The following TYR variants were observed in gnomAD, a reference collection of about 807,000 sequenced individuals.
The protein encoded by TYR is tyrosinase.
In TYR, 58 loss-of-function variants were observed where a neutral mutation model predicts 51.5. The ratio of observed to expected loss-of-function variants is 1.13; its 90% CI spans 0.91 to 1.40. The LOEUF (loss-of-function observed/expected upper bound fraction) is 1.40, where lower values mean the gene tolerates loss of function less well. Ranked by LOEUF, TYR falls within the 40% of genes most tolerant of loss-of-function variation. The pLI, the probability that TYR is intolerant of heterozygous loss-of-function variation, is 0.00. For synonymous variants in TYR, 263 were observed against 235.2 expected (o/e 1.12, Z -1.08); for missense variants, 732 against 647.4 (o/e 1.13, Z -1.42).
At chr11:89,192,958 A>G (rs886327016) in intron 2 of TYR, among the ~76,000 whole-genome samples, 3 of 152,120 alleles carry the variant, frequency 2.0e-5, no homozygotes, top group African/African-American at 7.2e-5. Flanking sequence ...AGTTCTTTCC[A>G]TTGCACTCTG....
intron 3 of TYR, among the ~76,000 whole-genome samples, chr11:89,239,422 C>T (rs931562351): frequency 6.6e-6 from 1 of 151,942 alleles, no homozygotes; most frequent in Non-Finnish European, 1.5e-5. Context: ...TCTCCTCTTT[C>T]ATTTCTAATT....
At chr11:89,223,868 C>T (rs1184864531) in intron 2 of TYR, among the ~76,000 whole-genome samples, 1 of 150,896 alleles carries the variant, frequency 6.6e-6, no homozygotes, top group Admixed American at 6.6e-5. Flanking sequence ...GCACATATCA[C>T]AATGTATTCC....
chr11:89,264,740 A>AC (rs898699173), intron 3 of TYR, among the ~76,000 whole-genome samples: 6 of 151,584 alleles, frequency 4.0e-5, no homozygotes, highest in Admixed American at 2.0e-4. Flanking sequence ...GCAGCCAAAA[A>AC]AAAAAAACAA....
intron 2 of TYR, among the ~76,000 whole-genome samples, chr11:89,192,240 A>T (rs1357188640): frequency 6.6e-6 from 1 of 152,194 alleles, no homozygotes; most frequent in African/African-American, 2.4e-5. Context: ...TGACTCAGTC[A>T]TGAAACCCAT....
Position 89,191,259 on chromosome 11 carries a change from C to T in TYR, c.877C>T (p.Pro293Ser), listed in dbSNP as rs1218953194. Residue 293 changes from proline (P) to serine (S), a missense_variant, in exon 2 of 5, where the codon CCC becomes TCC. Coordinates refer to ENST00000263321, the MANE Select transcript of TYR (RefSeq NM_000372.5). ...NSHQSLCNGT[P>S]EGPLRRNPGN... ...CCATCAGTCTTTATGCAATGGAACGCCCGAGGGACCTTTACGGCGTAATCC... is the reference window on the plus strand; with the variant it reads ...CCATCAGTCTTTATGCAATGGAACGTCCGAGGGACCTTTACGGCGTAATCC... 1 of 1,613,500 alleles carries T rather than the reference C, an allele frequency of 6.2e-7. No homozygotes were observed. Among genetic ancestry groups the T allele is most frequent in the Admixed American group, 1.7e-5 (1 of 59,908 alleles).
chr11:89,270,158 T>A (rs1202922602), intron 3 of TYR, among the ~76,000 whole-genome samples: 1 of 151,886 alleles, frequency 6.6e-6, no homozygotes, highest in Non-Finnish European at 1.5e-5. Flanking sequence ...CCACATAATA[T>A]CCTTCCTTTC....
chr11:89,244,144 A>T lies in TYR; in HGVS notation c.1184+16174A>T, dbSNP rs951837596. Among the ~76,000 whole-genome samples the T allele has an allele frequency of 4.6e-4, 70 of 152,312 alleles. 2 individuals carry two copies. Among genetic ancestry groups the T allele is most frequent in the African/African-American group, 1.7e-3 (69 of 41,576 alleles). ...AACTGCACAGATAAATAAGCAAACA[A>T]ACATACAAAAGGGTAGAGAGGGATA... On this transcript the variant is annotated intron_variant, in intron 3 of 4. Coordinates refer to ENST00000263321, the MANE Select transcript of TYR (RefSeq NM_000372.5).
At chr11:89,252,381 A>C (rs934187278) in intron 3 of TYR, among the ~76,000 whole-genome samples, 21 of 151,756 alleles carry the variant, frequency 1.4e-4, no homozygotes, top group Non-Finnish European at 1.5e-5. Flanking sequence ...TGGTCTCAAT[A>C]ACCTAGGGCA....
chr11:89,203,772 A>G (rs1278785357), intron 2 of TYR, among the ~76,000 whole-genome samples: 6 of 152,198 alleles, frequency 3.9e-5, no homozygotes, highest in Non-Finnish European at 7.3e-5. Flanking sequence ...AAAACAAAAC[A>G]GAAAGAAAAA....
At chr11:89,195,034 A>G (rs2135256275) in intron 2 of TYR, among the ~76,000 whole-genome samples, 1 of 152,274 alleles carries the variant, frequency 6.6e-6, no homozygotes, top group Non-Finnish European at 1.5e-5. Flanking sequence ...CATGAATAGG[A>G]CAGGGATGTG....
At chr11:89,242,499 T>A (rs7934212) in intron 3 of TYR, among the ~76,000 whole-genome samples, 2 of 151,982 alleles carry the variant, frequency 1.3e-5, no homozygotes, top group African/African-American at 4.8e-5. Context: ...CATGAGCCAC[T>A]GTGCCCGGCC....
At chr11:89,254,494 T>A (rs1165260895) in intron 3 of TYR, among the ~76,000 whole-genome samples, 2 of 151,880 alleles carry the variant, frequency 1.3e-5, no homozygotes, top group South Asian at 2.1e-4. Flanking sequence ...ACCATTTCAA[T>A]GTCGCTGCTT....
intron 2 of TYR, among the ~76,000 whole-genome samples, chr11:89,219,757 T>C (rs949092615): frequency 6.6e-6 from 1 of 152,166 alleles, no homozygotes; most frequent in Admixed American, 6.6e-5. Flanking sequence ...TCTTGCCTTC[T>C]CTGATCCAGT....
At chr11:89,218,519 A>AT in intron 2 of TYR, among the ~76,000 whole-genome samples, 1 of 152,172 alleles carries the variant, frequency 6.6e-6, no homozygotes, top group East Asian at 1.9e-4. Context: ...ATCTGATATC[A>AT]CCAAGAATGA....
chr11:89,211,857 T>C (rs1477663937), intron 2 of TYR, among the ~76,000 whole-genome samples: 1 of 152,028 alleles, frequency 6.6e-6, no homozygotes. Context: ...GCTGGGTAAA[T>C]AACAAAATGA....
At chr11:89,186,154 A>T (rs1349021094) in intron 1 of TYR, among the ~76,000 whole-genome samples, 1 of 152,190 alleles carries the variant, frequency 6.6e-6, no homozygotes, top group African/African-American at 2.4e-5. Context: ...ATCTGACTTT[A>T]GCAGCAGGAT....
chr11:89,185,193 A>C (rs1591138585), intron 1 of TYR, among the ~76,000 whole-genome samples: 1 of 152,098 alleles, frequency 6.6e-6, no homozygotes, highest in Non-Finnish European at 1.5e-5. Context: ...TATCCTCATC[A>C]TGAAAATAGA....
At chr11:89,264,290 A>G (rs1187478650) in intron 3 of TYR, among the ~76,000 whole-genome samples, 2 of 152,052 alleles carry the variant, frequency 1.3e-5, no homozygotes, top group African/African-American at 4.8e-5. Context: ...TAAAGTCTCC[A>G]AAGTCCATTT....
intron 3 of TYR, among the ~76,000 whole-genome samples, chr11:89,267,723 G>A (rs762544560): frequency 1.3e-5 from 2 of 151,832 alleles, no homozygotes; most frequent in Non-Finnish European, 2.9e-5. Context: ...AAAATGTCAC[G>A]TAGTTTTCCA....
Sources: gnomAD v4.1 joint callset for allele counts (sites outside exome capture counted in the v4.1 genomes callset) on GRCh38, gnomAD v4.1.1 for gene constraint, MANE v1.5 for transcripts, NCBI Gene and HGNC (gene_info 2026-07-23, HGNC 2026-07-21) for gene names.